The following NRL variants were observed in gnomAD, a reference collection of about 807,000 sequenced individuals.
The protein encoded by NRL is neural retina leucine zipper.
Under a neutral mutation model 12.5 loss-of-function variants are expected in NRL, and 16 were observed. That is an observed-to-expected ratio of 1.28 (90% confidence interval 0.87 to 1.95). The LOEUF is 1.95. Ranked by LOEUF, NRL falls within the 30% of genes most tolerant of loss-of-function variation. The probability of loss-of-function intolerance (pLI) is 0.00; values close to 1 mark genes in which losing one functional copy is unlikely to be tolerated. For missense variants in NRL, 314 were observed against 325.8 expected (o/e 0.96, Z 0.28); for synonymous variants, 142 against 150.9 (o/e 0.94, Z 0.43).
chr14:24,100,462 A>G, intron 1 of NRL: 1 of 872,242 alleles, frequency 1.1e-6, no homozygotes, highest in Non-Finnish European at 1.7e-6. Context: ...GAATGAGGGT[A>G]GTTGTGATAG....
At chr14:24,089,081 G>A (rs1413568107) in intron 1 of NRL, among the ~76,000 whole-genome samples, 5 of 151,610 alleles carry the variant, frequency 3.3e-5, no homozygotes, top group Admixed American at 2.6e-4. Context: ...TGGGATTACA[G>A]GCGTGAGCCA....
At chr14:24,098,762 CT>C in intron 1 of NRL, 1 of 1,186,928 alleles carries the variant, frequency 8.4e-7, no homozygotes, top group Non-Finnish European at 1.2e-6. Context: ...TCCACAGACC[CT>C]AAGAACCTGT....
chr14:24,081,808 G>T lies in NRL; in HGVS notation c.382-240C>A. ...GCGGGCGCCCCACGGTGCAGGGCCG[G>T]CCACGGTCAGGCGAGCCCGTCGCGC... On this transcript the variant is annotated intron_variant, in intron 2 of 2. Coordinates refer to ENST00000561028, the MANE Select transcript of NRL (RefSeq NM_001354768.3). The surrounding 1 kb of genome is among the most constrained non-coding windows in gnomAD (Gnocchi z 4.4). The T allele has an allele frequency of 2.0e-6, 3 of 1,474,826 alleles. No homozygotes were observed. Among genetic ancestry groups the T allele is most frequent in the Non-Finnish European group, 2.7e-6 (3 of 1,117,530 alleles). The allele number at this position is 1,474,826 out of a possible 1,614,324, so 91.4% of individuals were successfully genotyped here.
intron 2 of NRL, 147 bp downstream of exon 2, chr14:24,082,321 T>C: frequency 9.9e-7 from 1 of 1,012,440 alleles, no homozygotes; most frequent in Non-Finnish European, 1.5e-6. Context: ...TTTCTCGATC[T>C]GATTGCTTTC....
intron 1 of NRL, among the ~76,000 whole-genome samples, chr14:24,110,955 A>G (rs963676966): frequency 5.3e-5 from 8 of 152,326 alleles, no homozygotes; most frequent in Admixed American, 3.9e-4. Context: ...GGAAGTTTGT[A>G]TTTGAAACAA....
At chr14:24,098,223 C>A (rs369429110) in intron 1 of NRL, 3 of 1,612,458 alleles carry the variant, frequency 1.9e-6, no homozygotes, top group African/African-American at 2.7e-5. Context: ...CGCACAGACC[C>A]CAAGGATGTG....
intron 1 of NRL, chr14:24,103,558 A>T: frequency 1.3e-6 from 2 of 1,570,238 alleles, no homozygotes; most frequent in Non-Finnish European, 1.7e-6. Flanking sequence ...TTTTTTGGCT[A>T]CAACTTCGGG....
Position 24,081,573 on chromosome 14 carries a change from G to C in NRL, c.382-5C>G. On this transcript the variant is annotated splice_polypyrimidine_tract_variant and splice_region_variant and intron_variant, in intron 2 of 2. Coordinates refer to ENST00000561028, the MANE Select transcript of NRL (RefSeq NM_001354768.3). The surrounding 1 kb of genome is among the most constrained non-coding windows in gnomAD (Gnocchi z 4.4). ...GTCGGAAAACCGCTCTGCCAGCTGC[G>C]GAGGGAGAATGCAGAAACCGGGTCA... is the stretch of plus-strand genomic sequence containing the variant. 6.3e-7 allele frequency: 1 copy of C among 1,590,722 alleles called. No homozygotes were observed.
At chr14:24,098,272 T>A (rs2036986425) in intron 1 of NRL, 1 of 1,613,966 alleles carries the variant, frequency 6.2e-7, no homozygotes, top group Admixed American at 1.7e-5. Context: ...TAACTCCTTC[T>A]CAGCGGGACA....
chr14:24,096,399 C>T (rs893418309), intron 1 of NRL, among the ~76,000 whole-genome samples: 25 of 152,058 alleles, frequency 1.6e-4, no homozygotes, highest in Middle Eastern at 3.4e-3. Flanking sequence ...CCACCACATC[C>T]GGCTAATTTT....
At chr14:24,113,802 A>G (rs2037467750) in intron 1 of NRL, among the ~76,000 whole-genome samples, 1 of 152,246 alleles carries the variant, frequency 6.6e-6, no homozygotes, top group Non-Finnish European at 1.5e-5. Flanking sequence ...GGAGGGCCCA[A>G]GAAGGCCACG....
chr14:24,090,752 C>T (rs2036603285), intron 1 of NRL, among the ~76,000 whole-genome samples: 1 of 152,102 alleles, frequency 6.6e-6, no homozygotes, highest in Non-Finnish European at 1.5e-5. Flanking sequence ...GCCAGGCTCT[C>T]CCGGCAGGGA....
intron 1 of NRL, chr14:24,100,341 A>G: frequency 6.7e-7 from 1 of 1,488,442 alleles, no homozygotes; most frequent in Admixed American, 2.6e-5. Flanking sequence ...GAACGTTTGC[A>G]GTTTCCAGTC....
chr14:24,100,058 C>T lies in NRL; in HGVS notation c.-28+14664G>A, dbSNP rs141823645. ...GGGGTTGCCCCTGGTACCTCTGCCA[C>T]CACCAATCCCAACGCCATGGCTACA... On this transcript the variant is annotated intron_variant, in intron 1 of 2. Transcript: ENST00000561028. 572 of 1,613,360 alleles carry T rather than the reference C, an allele frequency of 3.5e-4. 3 individuals carry two copies. The Middle Eastern group carries it at 5.0e-3, about 14-fold the overall frequency.
At position 24,081,824 on chromosome 14, in the gene NRL, C is replaced by T. The variant is rs1420007907; in HGVS notation, c.382-256G>A. 2 of 1,442,142 alleles carry T rather than the reference C, an allele frequency of 1.4e-6. No homozygotes were observed. Among genetic ancestry groups the T allele is most frequent in the South Asian group, 2.8e-5 (2 of 72,534 alleles). The allele number at this position is 1,442,142 out of a possible 1,614,324, so 89.3% of individuals were successfully genotyped here. ...GCAGGGCCGGCCACGGTCAGGCGAG[C>T]CCGTCGCGCACCTAAACCCCGGGCT... On this transcript the variant is annotated intron_variant, in intron 2 of 2. Transcript: ENST00000561028. The surrounding 1 kb of genome is among the most constrained non-coding windows in gnomAD (Gnocchi z 4.4).
intron 1 of NRL, among the ~76,000 whole-genome samples, chr14:24,086,230 AAAAG>A (rs1010030421): frequency 3.3e-5 from 5 of 151,946 alleles, no homozygotes; most frequent in African/African-American, 1.2e-4. Context: ...AAAAGAAGAG[AAAAG>A]AAAGAAAGTT....
At position 24,085,091 on chromosome 14, in the gene NRL, C is replaced by T. The variant is rs968595758; in HGVS notation, c.-27-2216G>A. ...GGATCTGTTTCCTATTTTCAAGAATCCTCACATTTCTACCTCTGCCCCATC... is the reference window on the plus strand; with the variant it reads ...GGATCTGTTTCCTATTTTCAAGAATTCTCACATTTCTACCTCTGCCCCATC... On this transcript the variant is annotated intron_variant, in intron 1 of 2. Coordinates refer to ENST00000561028, the MANE Select transcript of NRL (RefSeq NM_001354768.3). The surrounding 1 kb of genome is among the most constrained non-coding windows in gnomAD (Gnocchi z 4.1). 3.3e-5 allele frequency among the ~76,000 whole-genome samples: 5 copies of T among 152,184 alleles called. No individual in the cohort carries two copies. Among genetic ancestry groups the T allele is most frequent in the Non-Finnish European group, 5.9e-5 (4 of 68,026 alleles).
At chr14:24,097,545 T>C (rs1300289585) in intron 1 of NRL, among the ~76,000 whole-genome samples, 1 of 146,032 alleles carries the variant, frequency 6.8e-6, no homozygotes, top group Admixed American at 6.9e-5. Flanking sequence ...GCCTGGGCAA[T>C]AAGAGCGAAA....
At chr14:24,091,252 G>A (rs980570819) in intron 1 of NRL, among the ~76,000 whole-genome samples, 2 of 152,086 alleles carry the variant, frequency 1.3e-5, no homozygotes, top group African/African-American at 4.8e-5. Context: ...CCGGGTTCAA[G>A]CGATTCTCCT....
Sources: allele counts gnomAD v4.1 joint callset (sites outside exome capture counted in the v4.1 genomes callset), GRCh38; gene constraint gnomAD v4.1.1; non-coding constraint Gnocchi (gnomAD v3.1); transcripts MANE v1.5; gene names NCBI Gene and HGNC (gene_info 2026-07-23, HGNC 2026-07-21).